The following IGF2R variants were observed in gnomAD, a reference collection of about 807,000 sequenced individuals.
IGF2R encodes the protein insulin like growth factor 2 receptor.
IGF2R carries 91 observed loss-of-function variants against 270.6 expected under a neutral mutation model. That is an observed-to-expected ratio of 0.34 (90% CI 0.28 to 0.40). The LOEUF (loss-of-function observed/expected upper bound fraction) is 0.40, where lower values mean the gene tolerates loss of function less well. IGF2R is among the 10% of genes least tolerant of loss of function. IGF2R has a pLI of 1.00. For missense variants in IGF2R, 2,805 were observed against 3,188.3 expected (o/e 0.88, Z 2.90); for synonymous variants, 1,316 against 1,258.9 (o/e 1.05, Z -0.96).
intron 1 of IGF2R, among the ~76,000 whole-genome samples, chr6:159,982,818 C>G (rs1011037449): frequency 6.6e-6 from 1 of 152,148 alleles, no homozygotes; most frequent in African/African-American, 2.4e-5. Context: ...AGGGAAGGAA[C>G]CCAGTTTTCT....
At chr6:160,101,542 G>C (rs371889669) in intron 45 of IGF2R, among the ~76,000 whole-genome samples, 26 of 152,258 alleles carry the variant, frequency 1.7e-4, no homozygotes, top group African/African-American at 6.3e-4. Flanking sequence ...GCTGGGCCGC[G>C]GGTTGGCCTG....
chr6:159,984,814 G>A (rs143709109), intron 1 of IGF2R, among the ~76,000 whole-genome samples: 2,524 of 152,226 alleles, frequency 0.017, 31 homozygotes, highest in Middle Eastern at 0.027. Context: ...AGTTACCCAT[G>A]GTCACTTGCA....
rs368781979 is a variant in IGF2R at position 160,080,210 on chromosome 6, C to T, written c.5768C>T (p.Ala1923Val). The T allele has an allele frequency of 6.8e-6, 11 of 1,614,036 alleles. No homozygotes were observed. Among genetic ancestry groups the T allele is most frequent in the East Asian group, 2.2e-5 (1 of 44,892 alleles). The stretch of plus-strand genomic sequence containing the variant: ...GAGGAGTGCATCATAGAGAGCAGGG[C>T]GAAGCTGTGGTGTAGCACAACTGCG... Reference protein sequence around the residue: ...SYEECIIESRAKLWCSTTADY... With the variant: ...SYEECIIESRVKLWCSTTADY... The change falls in exon 39 of 48, where the codon GCG becomes GTG. Residue 1923 changes from alanine (A) to valine (V), a missense_variant. Physicochemically the swap from Ala to Val is moderately conservative, Grantham distance 64 (BLOSUM62 0). Around this residue, in one of 2 missense-constraint regions of IGF2R, gnomAD observed 1,851 missense variants for 2,207.2 expected, o/e 0.84. Coordinates refer to ENST00000356956, the MANE Select transcript of IGF2R (RefSeq NM_000876.4).
At chr6:160,093,058 C>T (rs1779265632) in intron 44 of IGF2R, 1 of 152,420 alleles carries the variant, frequency 6.6e-6, no homozygotes. Flanking sequence ...CAAAAAGATA[C>T]AGGTTAAAAT....
At position 160,025,801 on chromosome 6, in the gene IGF2R, GT is replaced by G. The variant is rs1583266869; in HGVS notation, c.646+1099del. ...TCTGTAACTCAAGTTTGGTTATAGA[GT>G]TGATGAGTTGTAGATTATTGAATTC... On this transcript the variant is annotated intron_variant, in intron 5 of 47. Coordinates refer to ENST00000356956, the MANE Select transcript of IGF2R (RefSeq NM_000876.4). Among the ~76,000 whole-genome samples, 4 of 152,172 alleles carry G rather than the reference GT, an allele frequency of 2.6e-5. No homozygotes were observed. The East Asian group carries it at 7.7e-4, about 29-fold the overall frequency.
chr6:160,042,986 G>T (rs1391079208), intron 11 of IGF2R, among the ~76,000 whole-genome samples, 162 bp from the exon 12 acceptor site: 1 of 152,068 alleles, frequency 6.6e-6, no homozygotes, highest in African/African-American at 2.4e-5. Flanking sequence ...GTGAATTTTT[G>T]TGCTTTCAGT....
At chr6:159,986,466 C>T (rs1301658797) in intron 1 of IGF2R, among the ~76,000 whole-genome samples, 3 of 148,938 alleles carry the variant, frequency 2.0e-5, no homozygotes, top group Non-Finnish European at 4.4e-5. Flanking sequence ...CAGGGTTTCA[C>T]CATGTTGGCC....
At chr6:160,080,350 T>C in intron 39 of IGF2R, 75 bp downstream of exon 39, 1 of 1,398,078 alleles carries the variant, frequency 7.2e-7, no homozygotes, top group East Asian at 2.3e-5. Context: ...CACTGAGACC[T>C]TTGTGGATGC....
At chr6:160,062,015 T>C (rs1778451004) in intron 25 of IGF2R, 87 bp downstream of exon 25, 1 of 1,317,762 alleles carries the variant, frequency 7.6e-7, no homozygotes, top group African/African-American at 1.4e-5. Flanking sequence ...CTATCTTGTT[T>C]AAAACTTGCC....
rs747144067 is a variant in IGF2R, at chr6:160,084,975, C to T, written c.6069-20C>T. 8 of 1,603,940 alleles carry T rather than the reference C, an allele frequency of 5.0e-6. 1 individual carries two copies. In the South Asian group the frequency reaches 8.8e-5, roughly 18 times the overall value. On this transcript the variant is annotated intron_variant, in intron 40 of 47. Coordinates refer to ENST00000356956, the MANE Select transcript of IGF2R (RefSeq NM_000876.4). This position sits in a 1 kb window ranked among gnomAD's most constrained non-coding sequence, Gnocchi z 4.6. ...CGTCACTTGCATGCCTTTTACCTGC[C>T]CCTTTGTGTCGTTTTCTAGGTACTA...
In IGF2R at chr6:160,027,194, G is replaced by C. The variant is rs777003793; in HGVS notation, c.656G>C (p.Arg219Pro). 18 of 1,614,070 alleles carry C rather than the reference G, an allele frequency of 1.1e-5. No homozygotes were observed. Among genetic ancestry groups the C allele is most frequent in the Non-Finnish European group, 1.4e-5 (17 of 1,180,026 alleles). The change falls in exon 6 of 48, where the codon CGA becomes CCA. Residue 219 changes from arginine to proline, a missense_variant. Arg to Pro is a moderately radical substitution (Grantham distance 103, BLOSUM62 -2). Around this residue, in one of 2 missense-constraint regions of IGF2R, gnomAD observed 954 missense variants for 981.1 expected, o/e 0.97. Coordinates refer to ENST00000356956, the MANE Select transcript of IGF2R (RefSeq NM_000876.4). ...AATACATGATTTTCAGACACACTAC[G>C]AGACCCAGGTTCACAGCTGCGGGCC... is the stretch of plus-strand genomic sequence containing the variant. ...INVCRDIDTL[R>P]DPGSQLRACP...
intron 29 of IGF2R, among the ~76,000 whole-genome samples, 185 bp from the exon 30 acceptor site, chr6:160,068,060 TGGGG>T (rs368684860): frequency 1.0e-4 from 12 of 118,024 alleles, no homozygotes; most frequent in East Asian, 2.9e-4. Context: ...CTGATTCTGA[TGGGG>T]GGTGTGTGTG....
At chr6:160,012,242 G>A (rs1274698404) in intron 4 of IGF2R, among the ~76,000 whole-genome samples, 1 of 152,160 alleles carries the variant, frequency 6.6e-6, no homozygotes, top group Non-Finnish European at 1.5e-5. Flanking sequence ...GCTGTTAGAT[G>A]ACATACTGTT....
Position 160,033,007 on chromosome 6 carries a change from A to G in IGF2R, c.1111A>G (p.Ile371Val), listed in dbSNP as rs981641288. ...TTTGAATGTCTGTGGAGAAACTGAA[A>G]TACAGTTCTGTAATAAAAAACAAGC... ...FYLNVCGETE[I>V]QFCNKKQAAV... Residue 371 changes from isoleucine to valine, a missense_variant, in exon 9 of 48, where the codon ATA (isoleucine) becomes GTA (valine). Ile to Val is a conservative substitution (Grantham distance 29). Coordinates refer to ENST00000356956, the MANE Select transcript of IGF2R (RefSeq NM_000876.4). 6.2e-7 allele frequency: 1 copy of G among 1,605,536 alleles called. No individual in the cohort carries two copies. Among genetic ancestry groups the G allele is most frequent in the African/African-American group, 1.3e-5 (1 of 74,936 alleles).
intron 41 of IGF2R, among the ~76,000 whole-genome samples, chr6:160,085,672 A>G (rs1779083891): frequency 6.6e-6 from 1 of 152,202 alleles, no homozygotes; most frequent in Non-Finnish European, 1.5e-5. Flanking sequence ...TGTTGGAGGG[A>G]CCAGTAAAGG....
chr6:160,052,646 A>G (rs1778224745), intron 19 of IGF2R, among the ~76,000 whole-genome samples: 1 of 152,250 alleles, frequency 6.6e-6, no homozygotes, highest in African/African-American at 2.4e-5. Flanking sequence ...AGCAAAAAGA[A>G]CAAAGCTGGA....
chr6:160,022,318 G>T (rs900021254), intron 4 of IGF2R, among the ~76,000 whole-genome samples: 5 of 152,118 alleles, frequency 3.3e-5, no homozygotes, highest in East Asian at 1.9e-4. Flanking sequence ...TCCAGTGCTG[G>T]TTACACTAAA....
rs1313408002 is a variant in IGF2R at position 160,062,416 on chromosome 6, C to T, written c.3583-116C>T. On this transcript the variant is annotated intron_variant, in intron 25 of 47. Coordinates refer to ENST00000356956, the MANE Select transcript of IGF2R (RefSeq NM_000876.4). Reference sequence around the variant, plus strand: ...CTTGAACTCCTGAACTTGTGATCCACCCGTCTCGGCCTCCCAAAGTGCTGA... The same window carrying T: ...CTTGAACTCCTGAACTTGTGATCCATCCGTCTCGGCCTCCCAAAGTGCTGA... The T allele has an allele frequency of 6.4e-5, 47 of 734,512 alleles. 1 individual carries two copies. In the South Asian group the frequency reaches 6.6e-4, roughly 10 times the overall value. The allele number at this position is 734,512 out of a possible 1,614,324, so 45.5% of individuals were successfully genotyped here.
chr6:160,021,455 C>T (rs1397733358), intron 4 of IGF2R, among the ~76,000 whole-genome samples: 4 of 76,042 alleles, frequency 5.3e-5, no homozygotes, highest in Admixed American at 2.1e-4. Context: ...GGGTGGGGGG[C>T]GGGGGGAGGG....
Sources: allele counts gnomAD v4.1 joint callset (sites outside exome capture counted in the v4.1 genomes callset), GRCh38; gene constraint gnomAD v4.1.1; regional missense constraint gnomAD v4.1.1; non-coding constraint Gnocchi (gnomAD v3.1); transcripts MANE v1.5; gene names NCBI Gene and HGNC (gene_info 2026-07-23, HGNC 2026-07-21).